Variants in DCD observed in about 807,000 individuals in gnomAD.
DCD encodes the protein diffusible survival/evasion peptide.
Under a neutral mutation model 14.5 loss-of-function variants are expected in DCD, and 17 were observed. The ratio of observed to expected loss-of-function variants is 1.18; its 90% confidence interval spans 0.81 to 1.76. DCD has a LOEUF of 1.76. Ranked by LOEUF, DCD falls within the 40% of genes most tolerant of loss-of-function variation. The probability of loss-of-function intolerance (pLI) is 0.00; values close to 1 mark genes in which losing one functional copy is unlikely to be tolerated. For missense variants in DCD, 139 were observed against 133.4 expected, an observed-to-expected ratio of 1.04 and a Z score of -0.21; for synonymous variants, 64 against 54.0, an observed-to-expected ratio of 1.19 and a Z score of -0.82.
intron 2 of DCD, among the ~76,000 whole-genome samples, chr12:54,646,753 G>A (rs575825742): frequency 3.9e-5 from 6 of 152,258 alleles, no homozygotes; most frequent in Middle Eastern, 3.4e-3. Context: ...TGAGAGTTTC[G>A]TGATGAGAAA....
chr12:54,647,160 C>T lies in DCD; in HGVS notation c.59-1G>A. ...GGGGCAGAGGCGGCCTCTGGATCAT[C>T]TGCAAAGGAGGGAACAGTGACCATG... On this transcript the variant is annotated splice_acceptor_variant, in intron 1 of 4. Transcript: ENST00000293371. LOFTEE classifies it high-confidence loss of function. 3 of 1,562,264 alleles carry T rather than the reference C, an allele frequency of 1.9e-6. No homozygotes were observed. The highest frequency in any genetic ancestry group is 2.6e-6 in the Non-Finnish European group (3 of 1,152,426).
intron 4 of DCD, 96 bp from the exon 5 acceptor site, chr12:54,644,852 G>T: frequency 6.4e-7 from 1 of 1,551,654 alleles, no homozygotes; most frequent in Non-Finnish European, 8.7e-7. Flanking sequence ...GTAGGGGAAG[G>T]GGAAGGGGAA....
Position 54,645,633 on chromosome 12 carries a change from GC to G in DCD, c.171del (p.Lys57AsnfsTer14). 1 of 1,614,112 alleles carries G rather than the reference GC, an allele frequency of 6.2e-7. No individual in the cohort carries two copies. The highest frequency in any genetic ancestry group is 8.5e-7 in the Non-Finnish European group (1 of 1,179,992). On this transcript the variant is annotated frameshift_variant, in exon 3 of 5. Coordinates refer to ENST00000293371, the MANE Select transcript of DCD (RefSeq NM_053283.4). LOFTEE classifies it high-confidence loss of function. ...EDPGLARQAP[K>X]PRKQRSSLLE... ...AGAAGGCTGGATCTCTGCTTCCTTG[GC>G]TTTGGTGCCTGTCTGGCTAACCCTG... is the stretch of plus-strand genomic sequence containing the variant.
At chr12:54,646,109 C>T (rs1474228246) in intron 2 of DCD, 3 of 457,054 alleles carry the variant, frequency 6.6e-6, no homozygotes, top group Admixed American at 4.7e-5. Flanking sequence ...TTGGCAGTCT[C>T]TGAAGGGGGC....
At chr12:54,646,638 T>C (rs144673556) in intron 2 of DCD, among the ~76,000 whole-genome samples, 71 of 152,188 alleles carry the variant, frequency 4.7e-4, no homozygotes, top group African/African-American at 1.6e-3. Flanking sequence ...GAAACAAATG[T>C]ATAACGTTTG....
chr12:54,644,679 C>G lies in DCD; in HGVS notation c.*34G>C, dbSNP rs758820272. On this transcript the variant is annotated 3_prime_UTR_variant, in exon 5 of 5. Coordinates refer to ENST00000293371, the MANE Select transcript of DCD (RefSeq NM_053283.4). ...TAGGCTGAAGACGTAAAGCCTGCTGCTCCTGGGTATCATTTCTCAGCTTCT... is the reference window on the plus strand; with the variant it reads ...TAGGCTGAAGACGTAAAGCCTGCTGGTCCTGGGTATCATTTCTCAGCTTCT... The G allele has an allele frequency of 2.3e-6, 3 of 1,281,358 alleles. No homozygotes were observed. Among genetic ancestry groups the G allele is most frequent in the African/African-American group, 1.6e-5 (1 of 63,860 alleles). 79.4% of individuals were successfully genotyped at this position (1,281,358 alleles called of 1,614,324 possible).
chr12:54,645,778 T>C, intron 2 of DCD, 71 bp from the exon 3 acceptor site: 1 of 1,302,230 alleles, frequency 7.7e-7, no homozygotes, highest in Non-Finnish European at 1.1e-6. Context: ...GAGCAGGTGG[T>C]GCTTTTACCC....
At chr12:54,645,939 A>G in intron 2 of DCD, 1 of 558,356 alleles carries the variant, frequency 1.8e-6, no homozygotes, top group Non-Finnish European at 3.4e-6. Flanking sequence ...TCTAGAGTAG[A>G]TTATGGTTCA....
At chr12:54,644,792 T>G (rs73310828) in intron 4 of DCD, 36 bp from the exon 5 acceptor site, 2 of 1,582,800 alleles carry the variant, frequency 1.3e-6, no homozygotes, top group African/African-American at 1.4e-5. Context: ...GGTAAAGGGG[T>G]AGGAAGAAAA....
chr12:54,645,616 G>C lies in DCD; in HGVS notation c.189C>G (p.Ser63=). ...RQAPKPRKQR[S]SLLEKGLDGA... The stretch of plus-strand genomic sequence containing the variant: ...GGGAAAGAGGCTTACCCAGAAGGCT[G>C]GATCTCTGCTTCCTTGGCTTTGGTG... The change falls in exon 3 of 5, where the codon TCC becomes TCG. Residue 63 remains serine, a synonymous_variant. Transcript: ENST00000293371. The C allele has an allele frequency of 5.6e-6, 9 of 1,614,034 alleles. No homozygotes were observed. The highest frequency in any genetic ancestry group is 7.6e-6 in the Non-Finnish European group (9 of 1,179,910).
intron 4 of DCD, 83 bp downstream of exon 4, chr12:54,645,090 G>C (rs894372652): frequency 2.6e-5 from 39 of 1,517,090 alleles, no homozygotes; most frequent in Middle Eastern, 2.0e-4. Context: ...GTCTTCAATG[G>C]GGGGGCTGTG....
rs1239596612 is a variant in DCD, at chr12:54,648,346, A to G, written c.-43T>C. The G allele has an allele frequency of 2.5e-6, 4 of 1,612,270 alleles. No individual in the cohort carries two copies. In the African/African-American group the frequency reaches 5.3e-5, roughly 22 times the overall value. ...TGGGTATGCCACCAAATCCTTGGAG[A>G]TCTTGGGATCTAGGGTGTCAAGACT... On this transcript the variant is annotated 5_prime_UTR_variant, in exon 1 of 5. Coordinates refer to ENST00000293371, the MANE Select transcript of DCD (RefSeq NM_053283.4).
intron 2 of DCD, 87 bp downstream of exon 2, chr12:54,647,034 T>A (rs1372619473): frequency 7.1e-7 from 1 of 1,411,938 alleles, no homozygotes; most frequent in Non-Finnish European, 9.6e-7. Flanking sequence ...CGGACCCCCC[T>A]TCTGCTTCTC....
chr12:54,648,362 T>C lies in DCD; in HGVS notation c.-59A>G, dbSNP rs368602620. 1.9e-6 allele frequency: 3 copies of C among 1,608,852 alleles called. No individual in the cohort carries two copies. The African/African-American group carries it at 4.0e-5, about 22-fold the overall frequency. On this transcript the variant is annotated 5_prime_UTR_variant, in exon 1 of 5. Transcript: ENST00000293371. Reference sequence around the variant, plus strand: ...TCCTTGGAGATCTTGGGATCTAGGGTGTCAAGACTGCCTCTCTGGGCCTTT... The same window carrying C: ...TCCTTGGAGATCTTGGGATCTAGGGCGTCAAGACTGCCTCTCTGGGCCTTT...
intron 2 of DCD, 99 bp downstream of exon 2, chr12:54,647,022 C>T: frequency 1.5e-6 from 2 of 1,309,318 alleles, no homozygotes; most frequent in Non-Finnish European, 1.0e-6. Context: ...ACTCTCCTTC[C>T]CCGGACCCCC....
Position 54,645,660 on chromosome 12 carries a change from G to GGT in DCD, c.143_144dup (p.Pro49ThrfsTer4). ...TTTGGTGCCTGTCTGGCTAACCCTG[G>GGT]GTCTTCACCTGCATTTTCCTTTTGA... is the stretch of plus-strand genomic sequence containing the variant. On this transcript the variant is annotated frameshift_variant, in exon 3 of 5. Coordinates refer to ENST00000293371, the MANE Select transcript of DCD (RefSeq NM_053283.4). LOFTEE classifies it high-confidence loss of function. 1 of 1,614,130 alleles carries GGT rather than the reference G, an allele frequency of 6.2e-7. No homozygotes were observed. Among genetic ancestry groups the GGT allele is most frequent in the Non-Finnish European group, 8.5e-7 (1 of 1,179,998 alleles).
In DCD at chr12:54,645,245, C is replaced by G; in HGVS notation, c.217G>C (p.Ala73Pro). Residue 73 changes from alanine (A) to proline (P), a missense_variant, in exon 4 of 5, where the codon GCA becomes CCA. Ala to Pro is a conservative substitution (Grantham distance 27). Coordinates refer to ENST00000293371, the MANE Select transcript of DCD (RefSeq NM_053283.4). The stretch of plus-strand genomic sequence containing the variant: ...CCGAGTCCCCCCACAGCTTTTTTTG[C>G]TCCGTCTAGGCCTTTTTCTAGGGTG... ...SSLLEKGLDGAKKAVGGLGKL... is the reference protein window; with the variant it reads ...SSLLEKGLDGPKKAVGGLGKL... The G allele has an allele frequency of 6.2e-7, 1 of 1,613,874 alleles. No homozygotes were observed. The highest frequency in any genetic ancestry group is 8.5e-7 in the Non-Finnish European group (1 of 1,179,856).
At chr12:54,645,411 G>T in intron 3 of DCD, 149 bp from the exon 4 acceptor site, 1 of 922,648 alleles carries the variant, frequency 1.1e-6, no homozygotes, top group Non-Finnish European at 1.7e-6. Context: ...GGGAAGGTTG[G>T]TAGGCCAGTA....
intron 1 of DCD, 58 bp downstream of exon 1, chr12:54,648,188 G>A (rs537035571): frequency 6.3e-7 from 1 of 1,584,710 alleles, no homozygotes; most frequent in Admixed American, 1.7e-5. Flanking sequence ...GGAAATGAAG[G>A]CAGGGCCCAG....
Sources: gnomAD v4.1 joint callset for allele counts (sites outside exome capture counted in the v4.1 genomes callset) on GRCh38, gnomAD v4.1.1 for gene constraint, MANE v1.5 for transcripts, NCBI Gene and HGNC (gene_info 2026-07-23, HGNC 2026-07-21) for gene names.